Variants in LDB2 observed in about 807,000 individuals in gnomAD.
LDB2 encodes LIM domain-binding protein 2.
In LDB2, 12 loss-of-function variants were observed where a neutral mutation model predicts 44.3. The observed-to-expected ratio is 0.27, with a 90% CI of 0.17 to 0.44. The LOEUF is 0.44. Ranked by LOEUF, LDB2 falls within the 20% of genes least tolerant of loss-of-function variation. The pLI, the probability that LDB2 is intolerant of heterozygous loss-of-function variation, is 1.00. For missense variants in LDB2, 344 were observed against 473.5 expected (o/e 0.73, Z 2.54); for synonymous variants, 164 against 174.8 (o/e 0.94, Z 0.49).
chr4:16,670,514 T>A (rs887264026), intron 2 of LDB2, among the ~76,000 whole-genome samples: 1 of 152,204 alleles, frequency 6.6e-6, no homozygotes, highest in Non-Finnish European at 1.5e-5. Context: ...GCATCTACAG[T>A]CAACACACTA....
intron 1 of LDB2, among the ~76,000 whole-genome samples, chr4:16,872,358 A>G (rs1716961458): frequency 6.6e-6 from 1 of 152,082 alleles, no homozygotes; most frequent in African/African-American, 2.4e-5. Context: ...CCACAAATGA[A>G]TACCTGAACT....
intron 5 of LDB2, among the ~76,000 whole-genome samples, chr4:16,575,031 G>A (rs1747816322): frequency 6.6e-6 from 1 of 152,072 alleles, no homozygotes; most frequent in African/African-American, 2.4e-5. Flanking sequence ...ACATTGTTAA[G>A]AGCAGGACAT....
At chr4:16,520,912 C>A (rs1410613828) in intron 5 of LDB2, among the ~76,000 whole-genome samples, 1 of 152,160 alleles carries the variant, frequency 6.6e-6, no homozygotes, top group Non-Finnish European at 1.5e-5. Flanking sequence ...GATTCTACAG[C>A]CATAATTTCT....
chr4:16,519,721 G>T (rs892408977), intron 5 of LDB2, among the ~76,000 whole-genome samples: 4 of 151,350 alleles, frequency 2.6e-5, no homozygotes, highest in Non-Finnish European at 5.9e-5. Flanking sequence ...TCTTGGCCAA[G>T]AATTTTAGCC....
chr4:16,851,341 A>T (rs1025007863), intron 1 of LDB2, among the ~76,000 whole-genome samples: 116 of 152,140 alleles, frequency 7.6e-4, no homozygotes, highest in African/African-American at 2.7e-3. Context: ...AGTAAATGGA[A>T]AAAAGGAACC....
chr4:16,507,182 T>G (rs2152212623), intron 7 of LDB2: 1 of 152,342 alleles, frequency 6.6e-6, no homozygotes, highest in Admixed American at 6.5e-5. Context: ...TTTTCATTAT[T>G]TGAAGACTGC....
intron 5 of LDB2, among the ~76,000 whole-genome samples, chr4:16,553,770 T>C (rs1388176010): frequency 6.6e-6 from 1 of 152,192 alleles, no homozygotes; most frequent in Non-Finnish European, 1.5e-5. Context: ...TTCTAAGCCC[T>C]TTGTGTGAAG....
At chr4:16,614,149 CA>C (rs1024237894) in intron 2 of LDB2, among the ~76,000 whole-genome samples, 4 of 152,078 alleles carry the variant, frequency 2.6e-5, no homozygotes, top group African/African-American at 9.7e-5. Flanking sequence ...AAAAGCCTGC[CA>C]AAAACAAGCA....
chr4:16,659,454 T>C, intron 2 of LDB2, among the ~76,000 whole-genome samples: 1 of 152,076 alleles, frequency 6.6e-6, no homozygotes, highest in East Asian at 1.9e-4. Flanking sequence ...TGTTCATGCG[T>C]TGGGTAGAAA....
intron 2 of LDB2, among the ~76,000 whole-genome samples, chr4:16,703,263 C>T (rs902181950): frequency 6.6e-6 from 1 of 152,104 alleles, no homozygotes; most frequent in Non-Finnish European, 1.5e-5. Flanking sequence ...GAAAAAGGAA[C>T]TAATATTTAA....
At chr4:16,795,031 G>C (rs1366343339) in intron 1 of LDB2, among the ~76,000 whole-genome samples, 1 of 152,178 alleles carries the variant, frequency 6.6e-6, no homozygotes, top group East Asian at 1.9e-4. Flanking sequence ...TGCCTCTCTA[G>C]GCCAGTAGAG....
At chr4:16,865,614 A>G (rs1714428509) in intron 1 of LDB2, among the ~76,000 whole-genome samples, 1 of 152,156 alleles carries the variant, frequency 6.6e-6, no homozygotes, top group African/African-American at 2.4e-5. Flanking sequence ...AAGCATCTCC[A>G]ACTCTCTTCT....
chr4:16,538,894 C>T (rs890060626), intron 5 of LDB2, among the ~76,000 whole-genome samples: 4 of 152,090 alleles, frequency 2.6e-5, no homozygotes, highest in East Asian at 1.9e-4. Context: ...ATGAGGAAAC[C>T]GTGGCAAAAA....
intron 2 of LDB2, among the ~76,000 whole-genome samples, chr4:16,607,905 C>T (rs183506160): frequency 6.6e-6 from 1 of 152,064 alleles, no homozygotes; most frequent in African/African-American, 2.4e-5. Context: ...GGGTTTCTAA[C>T]ACAGAGGTAA....
chr4:16,707,815 G>C (rs1754941079), intron 2 of LDB2, among the ~76,000 whole-genome samples: 1 of 151,978 alleles, frequency 6.6e-6, no homozygotes, highest in African/African-American at 2.4e-5. Context: ...AGAAATCTTG[G>C]GTAGAAAAAT....
chr4:16,645,519 G>C (rs1198865668), intron 2 of LDB2, among the ~76,000 whole-genome samples: 1 of 141,534 alleles, frequency 7.1e-6, no homozygotes, highest in Non-Finnish European at 1.5e-5. Context: ...AGTCCGGCCT[G>C]GGCGACAGAG....
At chr4:16,665,383 A>T (rs995631969) in intron 2 of LDB2, among the ~76,000 whole-genome samples, 1 of 149,086 alleles carries the variant, frequency 6.7e-6, no homozygotes, top group African/African-American at 2.5e-5. Flanking sequence ...CTCCTGCCTC[A>T]GCCTCCTGAG....
chr4:16,712,314 G>A (rs559374289), intron 2 of LDB2, among the ~76,000 whole-genome samples: 1 of 152,320 alleles, frequency 6.6e-6, no homozygotes, highest in South Asian at 2.1e-4. Context: ...AGCACTTTGA[G>A]AGGCTGAGGC....
chr4:16,613,470 CAT>C (rs1726235522), intron 2 of LDB2, among the ~76,000 whole-genome samples: 1 of 152,190 alleles, frequency 6.6e-6, no homozygotes, highest in African/African-American at 2.4e-5. Context: ...AGTCATCCAA[CAT>C]ATGTTTATTT....
Sources: allele counts gnomAD v4.1 joint callset (sites outside exome capture counted in the v4.1 genomes callset), GRCh38; gene constraint gnomAD v4.1.1; transcripts MANE v1.5; gene names NCBI Gene and HGNC (gene_info 2026-07-23, HGNC 2026-07-21).